The following ANKS1B variants were observed in gnomAD, a reference collection of about 807,000 sequenced individuals.
The protein encoded by ANKS1B is ankyrin repeat and sterile alpha motif domain containing 1B, also known as ankyrin repeat and sterile alpha motif domain-containing protein 1B.
ANKS1B carries 36 observed loss-of-function variants against 148.3 expected under a neutral mutation model. The observed-to-expected ratio is 0.24, with a 90% CI of 0.19 to 0.32. The LOEUF (loss-of-function observed/expected upper bound fraction) is 0.32, where lower values mean the gene tolerates loss of function less well. Ranked by LOEUF, ANKS1B falls within the 10% of genes least tolerant of loss-of-function variation. The probability of loss-of-function intolerance (pLI) is 1.00; values close to 1 mark genes in which losing one functional copy is unlikely to be tolerated. For synonymous variants in ANKS1B, 542 were observed against 560.8 expected, an observed-to-expected ratio of 0.97 and a Z score of 0.47; for missense variants, 1,157 against 1,542.6, an observed-to-expected ratio of 0.75 and a Z score of 4.19.
At chr12:99,667,641 G>A (rs186153123) in intron 8 of ANKS1B, among the ~76,000 whole-genome samples, 1 of 152,212 alleles carries the variant, frequency 6.6e-6, no homozygotes, top group East Asian at 1.9e-4. Context: ...CAAATCTTAA[G>A]TGAAAAGCAT....
intron 10 of ANKS1B, among the ~76,000 whole-genome samples, chr12:99,485,804 G>T (rs1283639617): frequency 2.6e-5 from 4 of 151,914 alleles, no homozygotes; most frequent in Non-Finnish European, 5.9e-5. Context: ...TCTTCTATTT[G>T]TTCTAGTCTA....
At chr12:99,140,806 C>T (rs910680101) in intron 15 of ANKS1B, among the ~76,000 whole-genome samples, 1 of 152,124 alleles carries the variant, frequency 6.6e-6, no homozygotes, top group African/African-American at 2.4e-5. Flanking sequence ...GAGCCCTAAG[C>T]ATGGCCCTGT....
intron 17 of ANKS1B, among the ~76,000 whole-genome samples, chr12:98,942,734 C>T (rs1597332529): frequency 6.6e-6 from 1 of 152,184 alleles, no homozygotes; most frequent in South Asian, 2.1e-4. Context: ...CAATATATAA[C>T]GGAATGATTA....
chr12:98,849,228 TTTC>T (rs978632593), intron 17 of ANKS1B, among the ~76,000 whole-genome samples: 9 of 151,290 alleles, frequency 5.9e-5, no homozygotes, highest in Non-Finnish European at 8.8e-5. Context: ...TTCCCCAGCA[TTTC>T]TTTTTTTTTT....
intron 15 of ANKS1B, among the ~76,000 whole-genome samples, chr12:99,109,999 C>A (rs2059980523): frequency 6.6e-6 from 1 of 152,160 alleles, no homozygotes; most frequent in Admixed American, 6.5e-5. Context: ...ACTCAAAGAG[C>A]TAATTAGTGA....
At chr12:99,671,070 C>G (rs10778002) in intron 8 of ANKS1B, among the ~76,000 whole-genome samples, 21,795 of 152,096 alleles carry the variant, frequency 0.14, 2,234 homozygotes, top group East Asian at 0.46. Flanking sequence ...TCTAAATTCC[C>G]ATAATTCAGA....
intron 12 of ANKS1B, among the ~76,000 whole-genome samples, chr12:99,290,463 A>G (rs1003872043): frequency 3.9e-5 from 6 of 152,016 alleles, no homozygotes; most frequent in African/African-American, 1.4e-4. Context: ...ACATCACAAA[A>G]AGAAAACTAC....
chr12:98,890,594 C>A (rs544233997), intron 17 of ANKS1B, among the ~76,000 whole-genome samples: 16 of 152,232 alleles, frequency 1.1e-4, no homozygotes, highest in Admixed American at 7.2e-4. Context: ...CTTTTATGAA[C>A]GTTACACAAC....
At chr12:99,194,765 T>C (rs1470895765) in intron 14 of ANKS1B, among the ~76,000 whole-genome samples, 1 of 152,194 alleles carries the variant, frequency 6.6e-6, no homozygotes, top group African/African-American at 2.4e-5. Flanking sequence ...TTTTTAAAGT[T>C]GTTATTTTTA....
At chr12:99,869,074 A>T (rs1465865508) in intron 1 of ANKS1B, among the ~76,000 whole-genome samples, 1 of 152,098 alleles carries the variant, frequency 6.6e-6, no homozygotes, top group Admixed American at 6.6e-5. Context: ...AAATAAATAA[A>T]TTTTAAGGAA....
At chr12:99,650,228 A>G (rs535403366) in intron 9 of ANKS1B, among the ~76,000 whole-genome samples, 94 of 99,998 alleles carry the variant, frequency 9.4e-4, no homozygotes, top group African/African-American at 3.0e-3. Flanking sequence ...ATCCTACATT[A>G]GGAGAATTAT....
intron 14 of ANKS1B, among the ~76,000 whole-genome samples, chr12:99,167,873 G>A (rs984733682): frequency 4.6e-5 from 7 of 152,180 alleles, no homozygotes; most frequent in Admixed American, 2.6e-4. Context: ...GCAATAAAAA[G>A]GAATGGATAG....
intron 9 of ANKS1B, among the ~76,000 whole-genome samples, chr12:99,604,601 G>A (rs1338789819): frequency 3.3e-5 from 5 of 151,874 alleles, no homozygotes; most frequent in African/African-American, 4.8e-5. Context: ...GATCACCTGA[G>A]GTCAGGGGTT....
chr12:99,922,850 C>T (rs996886435), intron 1 of ANKS1B, among the ~76,000 whole-genome samples: 4 of 151,980 alleles, frequency 2.6e-5, no homozygotes, highest in African/African-American at 7.3e-5. Context: ...CCTCTTACCC[C>T]TTTTAACTTC....
intron 1 of ANKS1B, among the ~76,000 whole-genome samples, chr12:99,921,134 C>G (rs1222874265): frequency 1.3e-5 from 2 of 152,248 alleles, no homozygotes; most frequent in Non-Finnish European, 2.9e-5. Flanking sequence ...CAAATCTCAT[C>G]TCAAATTGTA....
At chr12:98,931,423 G>A (rs2099813595) in intron 17 of ANKS1B, among the ~76,000 whole-genome samples, 1 of 152,134 alleles carries the variant, frequency 6.6e-6, no homozygotes, top group Non-Finnish European at 1.5e-5. Flanking sequence ...CAAATTTGAA[G>A]TTCTAGGTAA....
chr12:99,621,751 T>A (rs2098054077), intron 9 of ANKS1B, among the ~76,000 whole-genome samples: 1 of 152,056 alleles, frequency 6.6e-6, no homozygotes, highest in South Asian at 2.1e-4. Flanking sequence ...TCTGGATTCA[T>A]AAAACAAGTA....
At chr12:99,369,849 CAGATAGATAGATAGAT>C (rs35658536) in intron 12 of ANKS1B, among the ~76,000 whole-genome samples, 14 of 145,630 alleles carry the variant, frequency 9.6e-5, no homozygotes, top group African/African-American at 2.3e-4. Context: ...CAGACAGAGA[CAGATAGATAGATAGAT>C]AGATAGATAG....
At chr12:99,934,484 G>A (rs370643069) in intron 1 of ANKS1B, among the ~76,000 whole-genome samples, 18 of 152,136 alleles carry the variant, frequency 1.2e-4, no homozygotes, top group South Asian at 8.3e-4. Context: ...ATTTCTTCAT[G>A]GTTAAATCTT....
Sources: allele counts gnomAD v4.1 joint callset (sites outside exome capture counted in the v4.1 genomes callset), GRCh38; gene constraint gnomAD v4.1.1; transcripts MANE v1.5; gene names NCBI Gene and HGNC (gene_info 2026-07-23, HGNC 2026-07-21).